SV2B: variants seen among roughly 807,000 people sequenced by gnomAD.
The protein encoded by SV2B is solute carrier family 22 member B2.
In SV2B, 41 loss-of-function variants were observed where a neutral mutation model predicts 73.9. The ratio of observed to expected loss-of-function variants is 0.56; its 90% CI spans 0.43 to 0.72. SV2B has a LOEUF of 0.72. Ranked by LOEUF, SV2B falls within the 30% of genes least tolerant of loss-of-function variation. The pLI is 0.00. For synonymous variants in SV2B, 314 were observed against 314.2 expected, an observed-to-expected ratio of 1.00 and a Z score of 0.01; for missense variants, 764 against 857.8, an observed-to-expected ratio of 0.89 and a Z score of 1.37.
At chr15:91,198,672 G>T (rs1360725968) in intron 1 of SV2B, among the ~76,000 whole-genome samples, 1 of 152,254 alleles carries the variant, frequency 6.6e-6, no homozygotes, top group Non-Finnish European at 1.5e-5. Context: ...CACAAAAAAT[G>T]AGAAGGGGAA....
rs113655810 is a variant in SV2B at position 91,268,240 on chromosome 15, C to T, written c.1209-201C>T. 7.2e-5 allele frequency among the ~76,000 whole-genome samples: 11 copies of T among 152,310 alleles called. No individual in the cohort carries two copies. The highest frequency in any genetic ancestry group is 2.6e-4 in the African/African-American group (11 of 41,562). ...GAAAACATTTCTTTTAAATCAAATG[C>T]CTTTTCAGCATTTATGGAGGTGGTC... On this transcript the variant is annotated intron_variant, in intron 8 of 12. Transcript: ENST00000394232. The surrounding 1 kb of genome is among the most constrained non-coding windows in gnomAD (Gnocchi z 4.4).
In SV2B at chr15:91,284,324, A is replaced by C. The variant is rs2048788856; in HGVS notation, c.1708+103A>C. The C allele has an allele frequency of 7.7e-7, 1 of 1,299,498 alleles. No individual in the cohort carries two copies. Among genetic ancestry groups the C allele is most frequent in the Non-Finnish European group, 1.1e-6 (1 of 936,268 alleles). The allele number at this position is 1,299,498 out of a possible 1,614,324, so 80.5% of individuals were successfully genotyped here. A position where few individuals can be genotyped will look rare whatever the true frequency, so the allele number is the denominator to read the frequency against. ...TTCCCTTTTATTAAATAATTCTTGCACAACAAACCCAACAAGTAAGATTGC... is the reference window on the plus strand; with the variant it reads ...TTCCCTTTTATTAAATAATTCTTGCCCAACAAACCCAACAAGTAAGATTGC... On this transcript the variant is annotated intron_variant, in intron 11 of 12. Transcript: ENST00000394232. This position sits in a 1 kb window ranked among gnomAD's most constrained non-coding sequence, Gnocchi z 4.5.
At chr15:91,209,128 T>G (rs1596587965) in intron 1 of SV2B, among the ~76,000 whole-genome samples, 1 of 145,232 alleles carries the variant, frequency 6.9e-6, no homozygotes. Context: ...TTTTTTTTTT[T>G]TTTTTTTTTT....
At chr15:91,169,559 G>A (rs17594552) in intron 1 of SV2B, among the ~76,000 whole-genome samples, 58,047 of 151,626 alleles carry the variant, frequency 0.38, 11,623 homozygotes, top group Middle Eastern at 0.43. Context: ...TCATCTACTC[G>A]CTCGACAAGT....
At chr15:91,218,510 TC>T (rs2046109506) in intron 1 of SV2B, among the ~76,000 whole-genome samples, 1 of 152,180 alleles carries the variant, frequency 6.6e-6, no homozygotes, top group African/African-American at 2.4e-5. Flanking sequence ...CTCACCCCTT[TC>T]CACAAAGCTG....
intron 1 of SV2B, among the ~76,000 whole-genome samples, chr15:91,109,256 C>G (rs1049278400): frequency 6.6e-6 from 1 of 152,202 alleles, no homozygotes; most frequent in Non-Finnish European, 1.5e-5. Context: ...TCTTCCAGAC[C>G]GCTGGGGCCT....
At chr15:91,159,478 C>T (rs558613524) in intron 1 of SV2B, among the ~76,000 whole-genome samples, 1 of 151,970 alleles carries the variant, frequency 6.6e-6, no homozygotes. Flanking sequence ...AGCTAAGCCA[C>T]TAGATAACAG....
At chr15:91,193,256 C>T (rs1286977826) in intron 1 of SV2B, among the ~76,000 whole-genome samples, 2 of 152,202 alleles carry the variant, frequency 1.3e-5, no homozygotes, top group Non-Finnish European at 2.9e-5. Flanking sequence ...GGATGTTTAC[C>T]ACACCTGCCT....
Position 91,288,653 on chromosome 15 carries a change from C to T in SV2B, c.1709-868C>T, listed in dbSNP as rs1016951478. Among the ~76,000 whole-genome samples the T allele has an allele frequency of 6.6e-6, 1 of 151,372 alleles. No individual in the cohort carries two copies. The highest frequency in any genetic ancestry group is 1.5e-5 in the Non-Finnish European group (1 of 67,822). On this transcript the variant is annotated intron_variant, in intron 11 of 12. Coordinates refer to ENST00000394232, the MANE Select transcript of SV2B (RefSeq NM_001323032.3). The surrounding 1 kb of genome is among the most constrained non-coding windows in gnomAD (Gnocchi z 5.8). ...TTCTCTCTTCTTTCTTTCTCTCTCT[C>T]TCTCTCCTTCCTTCCTTCCTTCTTT...
intron 2 of SV2B, among the ~76,000 whole-genome samples, chr15:91,246,850 G>A (rs1019957688): frequency 6.6e-6 from 1 of 151,990 alleles, no homozygotes; most frequent in Non-Finnish European, 1.5e-5. Context: ...ATATGCCACC[G>A]AGCTTGTTGA....
At chr15:91,200,848 C>T (rs1596569833) in intron 1 of SV2B, among the ~76,000 whole-genome samples, 1 of 152,116 alleles carries the variant, frequency 6.6e-6, no homozygotes, top group Non-Finnish European at 1.5e-5. Context: ...GAGTTCAAGA[C>T]TGCAGTGAGC....
chr15:91,291,771 G>T (rs2049047806), intron 12 of SV2B, among the ~76,000 whole-genome samples: 1 of 152,196 alleles, frequency 6.6e-6, no homozygotes, highest in African/African-American at 2.4e-5. Flanking sequence ...CAGGATAGAA[G>T]GAAAAGAATG....
chr15:91,166,524 T>C (rs528425751), intron 1 of SV2B, among the ~76,000 whole-genome samples: 253 of 152,148 alleles, frequency 1.7e-3, no homozygotes, highest in Non-Finnish European at 3.0e-3. Context: ...TTTGTTAAAA[T>C]TGTTAAAAAA....
rs1043758137 is a variant in SV2B at position 91,128,478 on chromosome 15, C to A, written c.-392+28115C>A. On this transcript the variant is annotated intron_variant, in intron 1 of 12. Transcript: ENST00000394232. This position sits in a 1 kb window ranked among gnomAD's most constrained non-coding sequence, Gnocchi z 4.2. ...GCTATTGGCGCTCAGAAAACAATAT[C>A]CAAAAATGAAGGCCTCAGAAGCGAA... Among the ~76,000 whole-genome samples, 1 of 152,154 alleles carries A rather than the reference C, an allele frequency of 6.6e-6. No individual in the cohort carries two copies. The highest frequency in any genetic ancestry group is 2.4e-5 in the African/African-American group (1 of 41,422).
intron 1 of SV2B, among the ~76,000 whole-genome samples, chr15:91,125,017 G>A (rs1033011789): frequency 6.6e-6 from 1 of 152,158 alleles, no homozygotes; most frequent in African/African-American, 2.4e-5. Flanking sequence ...GTCAGTGTTG[G>A]TTTCTACTCA....
At chr15:91,161,196 T>C (rs756143893) in intron 1 of SV2B, among the ~76,000 whole-genome samples, 3 of 152,162 alleles carry the variant, frequency 2.0e-5, no homozygotes, top group Non-Finnish European at 4.4e-5. Context: ...TTGGGGGTGA[T>C]GCAAGTGTTC....
In SV2B at chr15:91,258,443, C is replaced by A. The variant is rs185426965; in HGVS notation, c.807C>A (p.Thr269=). The change falls in exon 5 of 13, where the codon ACC becomes ACA. Residue 269 remains threonine, a synonymous_variant. Coordinates refer to ENST00000394232, the MANE Select transcript of SV2B (RefSeq NM_001323032.3). The surrounding 1 kb of genome is among the most constrained non-coding windows in gnomAD (Gnocchi z 4.7). ...PHYGWGFSMG[T]NYHFHSWRVF... ...CAGGCTGGGGCTTCAGCATGGGGAC[C>A]AATTACCACTTCCATAGCTGGAGAG... 3 of 1,614,062 alleles carry A rather than the reference C, an allele frequency of 1.9e-6. No individual in the cohort carries two copies. The highest frequency in any genetic ancestry group is 1.1e-5 in the South Asian group (1 of 91,066).
Position 91,226,690 on chromosome 15 carries a change from T to C in SV2B, c.427T>C (p.Ser143Pro), listed in dbSNP as rs1382658874. The change falls in exon 2 of 13, where the codon TCC becomes CCC. Residue 143 changes from serine to proline, a missense_variant. Physicochemically the swap from Ser to Pro is moderately conservative, Grantham distance 74. Transcript: ENST00000394232. ...LPSAEKDMCLSSSKKGMLGMI... is the reference protein window; with the variant it reads ...LPSAEKDMCLPSSKKGMLGMI... ...CAGTGCAGAGAAGGACATGTGTCTGTCCAGTTCCAAAAAAGGAATGCTAGG... is the reference window on the plus strand; with the variant it reads ...CAGTGCAGAGAAGGACATGTGTCTGCCCAGTTCCAAAAAAGGAATGCTAGG... The C allele has an allele frequency of 1.4e-5, 23 of 1,608,842 alleles. No homozygotes were observed. Among genetic ancestry groups the C allele is most frequent in the Non-Finnish European group, 1.8e-5 (21 of 1,179,286 alleles).
intron 1 of SV2B, among the ~76,000 whole-genome samples, chr15:91,178,192 A>G (rs1293525026): frequency 3.0e-4 from 46 of 151,654 alleles, no homozygotes; most frequent in African/African-American, 1.1e-3. Flanking sequence ...GCTGGATTAC[A>G]TTTATTGATT....
Sources: allele counts gnomAD v4.1 joint callset (sites outside exome capture counted in the v4.1 genomes callset), GRCh38; gene constraint gnomAD v4.1.1; non-coding constraint Gnocchi (gnomAD v3.1); transcripts MANE v1.5; gene names NCBI Gene and HGNC (gene_info 2026-07-23, HGNC 2026-07-21).